The following BIRC6 variants were observed in gnomAD, a reference collection of about 807,000 sequenced individuals.
BIRC6 encodes dual E2 ubiquitin-conjugating enzyme/E3 ubiquitin-protein ligase BIRC6.
A neutral mutation model predicts 503.3 loss-of-function variants in BIRC6; 98 were observed. The ratio of observed to expected loss-of-function variants is 0.19; its 90% CI spans 0.17 to 0.23. The LOEUF is 0.23. BIRC6 is among the 10% of genes least tolerant of loss of function. The pLI is 1.00. For synonymous variants in BIRC6, 2,240 were observed against 2,078.7 expected, an observed-to-expected ratio of 1.08 and a Z score of -2.11; for missense variants, 5,360 against 5,806.0, an observed-to-expected ratio of 0.92 and a Z score of 2.50.
rs1237464725 is a variant in BIRC6, at chr2:32,611,448, G to A, written c.14260G>A (p.Val4754Ile). Residue 4754 changes from valine (V) to isoleucine (I), a missense_variant and splice_region_variant, in exon 73 of 74, where the codon GTA (valine) becomes ATA (isoleucine). By Grantham distance (29) the Val-to-Ile change is conservative. Transcript: ENST00000421745. ...GTTCTCCTGTTTACTTTTTCTCAAG[G>A]TAATACACAAACATTTTTACTTGAA... ...IRNPSPCFKE[V>I]IHKHFYLKRV... The A allele has an allele frequency of 1.2e-6, 2 of 1,604,578 alleles. No individual in the cohort carries two copies. The highest frequency in any genetic ancestry group is 1.7e-6 in the Non-Finnish European group (2 of 1,174,514).
chr2:32,501,776 T>A lies in BIRC6; in HGVS notation c.9095T>A (p.Val3032Asp). Residue 3032 changes from valine to aspartate, a missense_variant, in exon 47 of 74, where the codon GTT becomes GAT. Physicochemically the swap from Val to Asp is radical, Grantham distance 152 (BLOSUM62 -3). Around this residue, in one of 16 missense-constraint regions of BIRC6, gnomAD observed 267 missense variants for 287.6 expected, o/e 0.93. Transcript: ENST00000421745. ...NFHGGLDAIS[V>D]GDGLFTILTT... ...CATGGTGGGTTGGATGCCATATCAGTTGGGGATGGATTATTTACCATACTG... is the reference window on the plus strand; with the variant it reads ...CATGGTGGGTTGGATGCCATATCAGATGGGGATGGATTATTTACCATACTG... The A allele has an allele frequency of 6.2e-7, 1 of 1,613,812 alleles. No homozygotes were observed. Among genetic ancestry groups the A allele is most frequent in the Non-Finnish European group, 8.5e-7 (1 of 1,179,814 alleles).
At chr2:32,586,304 C>A (rs1235323223) in intron 66 of BIRC6, among the ~76,000 whole-genome samples, 1 of 151,072 alleles carries the variant, frequency 6.6e-6, no homozygotes, top group Non-Finnish European at 1.5e-5. Flanking sequence ...GTTTCTGCCT[C>A]AGAAGCATAA....
At chr2:32,509,533 G>T (rs933721135) in intron 51 of BIRC6, 3 of 596,810 alleles carry the variant, frequency 5.0e-6, no homozygotes, top group Non-Finnish European at 8.5e-6. Flanking sequence ...GATTACAGGT[G>T]TTAGCCACCG....
chr2:32,504,968 G>A, intron 49 of BIRC6, 37 bp from the exon 50 acceptor site: 1 of 1,525,804 alleles, frequency 6.6e-7, no homozygotes, highest in Non-Finnish European at 9.0e-7. Context: ...TGTTTCTTTT[G>A]CAAGTTCTTA....
chr2:32,484,015 G>A (rs1431686258), intron 39 of BIRC6, among the ~76,000 whole-genome samples: 1 of 152,142 alleles, frequency 6.6e-6, no homozygotes, highest in African/African-American at 2.4e-5. Flanking sequence ...AGGCTGGAGT[G>A]TAGTGGCATG....
intron 21 of BIRC6, among the ~76,000 whole-genome samples, chr2:32,447,331 G>A (rs1194891248): frequency 6.7e-6 from 1 of 150,326 alleles, no homozygotes; most frequent in African/African-American, 2.4e-5. Context: ...AGGGGCGGCC[G>A]GGCAGAAGCG....
At chr2:32,616,937 G>C (rs2063285697) in intron 73 of BIRC6, among the ~76,000 whole-genome samples, 1 of 151,884 alleles carries the variant, frequency 6.6e-6, no homozygotes, top group Admixed American at 6.6e-5. Flanking sequence ...AACCCCATCT[G>C]TGTAAAAAAT....
intron 53 of BIRC6, among the ~76,000 whole-genome samples, chr2:32,512,635 T>C (rs1223068250): frequency 6.6e-6 from 1 of 152,186 alleles, no homozygotes; most frequent in East Asian, 1.9e-4. Flanking sequence ...TGAAACGTGC[T>C]GTATTTCATG....
intron 6 of BIRC6, among the ~76,000 whole-genome samples, chr2:32,400,523 G>C (rs2040489773): frequency 6.6e-6 from 1 of 151,868 alleles, no homozygotes; most frequent in South Asian, 2.1e-4. Context: ...ATTTTTAGTA[G>C]AGACGGGGTT....
intron 50 of BIRC6, among the ~76,000 whole-genome samples, chr2:32,507,575 T>G (rs113850174): frequency 2.6e-5 from 4 of 152,218 alleles, no homozygotes; most frequent in Non-Finnish European, 2.9e-5. Context: ...CCCAAATTAT[T>G]TAAAATAGTA....
At chr2:32,410,571 A>G (rs1201486371) in intron 9 of BIRC6, among the ~76,000 whole-genome samples, 1 of 152,220 alleles carries the variant, frequency 6.6e-6, no homozygotes, top group African/African-American at 2.4e-5. Context: ...ATTATGGGAA[A>G]TTCTAGATAT....
intron 20 of BIRC6, among the ~76,000 whole-genome samples, chr2:32,444,128 G>A (rs767227): frequency 1.9e-4 from 29 of 151,488 alleles, no homozygotes; most frequent in Admixed American, 8.6e-4. Context: ...ATGGATACCA[G>A]AGTCTGGGAG....
intron 66 of BIRC6, among the ~76,000 whole-genome samples, chr2:32,581,318 G>A (rs6721331): frequency 0.042 from 6,424 of 152,202 alleles, 207 homozygotes; most frequent in African/African-American, 0.099. Context: ...TCATATGATG[G>A]TGAGATATTA....
rs1484616616 is a variant in BIRC6 at position 32,499,896 on chromosome 2, T to C, written c.8818T>C (p.Tyr2940His). 6.2e-7 allele frequency: 1 copy of C among 1,614,044 alleles called. No individual in the cohort carries two copies. The highest frequency in any genetic ancestry group is 2.2e-5 in the East Asian group (1 of 44,882). Residue 2940 changes from tyrosine (Y) to histidine (H), a missense_variant, in exon 46 of 74, where the codon TAC becomes CAC. Tyr to His is a moderately conservative substitution (Grantham distance 83). This residue lies in a region of BIRC6 where 2,299 missense variants were observed against 2,267.2 expected (regional missense o/e 1.01). Coordinates refer to ENST00000421745, the MANE Select transcript of BIRC6 (RefSeq NM_016252.4). Reference protein sequence around the residue: ...VQLPLSGNREYSARVSVTTNT... With the variant: ...VQLPLSGNREHSARVSVTTNT... ...GCTGCCTCTTTCAGGCAATAGGGAATACAGTGCAAGAGTGTCTGTGACCAC... is the reference window on the plus strand; with the variant it reads ...GCTGCCTCTTTCAGGCAATAGGGAACACAGTGCAAGAGTGTCTGTGACCAC...
At chr2:32,472,407 C>A (rs1421355739) in intron 32 of BIRC6, among the ~76,000 whole-genome samples, 2 of 152,078 alleles carry the variant, frequency 1.3e-5, no homozygotes, top group Non-Finnish European at 2.9e-5. Flanking sequence ...ATAAAATAAA[C>A]TGTAATGTAA....
chr2:32,389,240 CAAATT>C (rs940684062), intron 4 of BIRC6, among the ~76,000 whole-genome samples: 1 of 151,906 alleles, frequency 6.6e-6, no homozygotes, highest in African/African-American at 2.4e-5. Flanking sequence ...ATATTTTAGT[CAAATT>C]AAAATTACTA....
chr2:32,586,583 G>A (rs1033010281), intron 66 of BIRC6, among the ~76,000 whole-genome samples: 1 of 151,192 alleles, frequency 6.6e-6, no homozygotes, highest in Non-Finnish European at 1.5e-5. Context: ...CACTCCCGGC[G>A]AATTTTTGTG....
At chr2:32,484,184 A>G (rs562466394) in intron 39 of BIRC6, among the ~76,000 whole-genome samples, 10 of 152,232 alleles carry the variant, frequency 6.6e-5, no homozygotes, top group Admixed American at 2.0e-4. Flanking sequence ...GCTGCTGTAA[A>G]AAGTTTTTTG....
In BIRC6 at chr2:32,481,440, C is replaced by T. The variant is rs1219759824; in HGVS notation, c.7529C>T (p.Ala2510Val). 6.2e-7 allele frequency: 1 copy of T among 1,610,270 alleles called. No homozygotes were observed. Among genetic ancestry groups the T allele is most frequent in the Non-Finnish European group, 8.5e-7 (1 of 1,178,192 alleles). The stretch of plus-strand genomic sequence containing the variant: ...GATTTGGAAAAGGACCCTCTTGCAG[C>T]CAAGGTTTTTAAGGTATGATACATG... ...DIDLEKDPLAAKVFKPISSTW... is the reference protein window; with the variant it reads ...DIDLEKDPLAVKVFKPISSTW... Residue 2510 changes from alanine (A) to valine (V), a missense_variant, in exon 38 of 74, where the codon GCC (alanine) becomes GTC (valine). Around this residue, in one of 16 missense-constraint regions of BIRC6, gnomAD observed 2,299 missense variants for 2,267.2 expected, o/e 1.01. Coordinates refer to ENST00000421745, the MANE Select transcript of BIRC6 (RefSeq NM_016252.4).
Sources: gnomAD v4.1 joint callset for allele counts (sites outside exome capture counted in the v4.1 genomes callset) on GRCh38, gnomAD v4.1.1 for gene constraint, gnomAD v4.1.1 regional missense constraint, MANE v1.5 for transcripts, NCBI Gene and HGNC (gene_info 2026-07-23, HGNC 2026-07-21) for gene names.